RBFOX1: variants seen among roughly 807,000 people sequenced by gnomAD.
RBFOX1 encodes the protein RNA binding fox-1 homolog 1.
RBFOX1 carries 8 observed loss-of-function variants against 57.7 expected under a neutral mutation model. The observed-to-expected ratio is 0.14, with a 90% confidence interval of 0.08 to 0.25. The LOEUF is 0.25. Among genes scored for constraint, RBFOX1 ranks in the 10% least tolerant of loss-of-function variants. The pLI, the probability that RBFOX1 is intolerant of heterozygous loss-of-function variation, is 1.00. For synonymous variants in RBFOX1, 326 were observed against 222.4 expected, an observed-to-expected ratio of 1.47 and a Z score of -4.15; for missense variants, 611 against 548.5, an observed-to-expected ratio of 1.11 and a Z score of -1.14.
intron 14 of RBFOX1, among the ~76,000 whole-genome samples, chr16:7,687,357 G>A (rs1395273556): frequency 1.3e-5 from 2 of 151,958 alleles, no homozygotes; most frequent in Non-Finnish European, 2.9e-5. Context: ...ATATAAATTA[G>A]ATTATGAGCT....
intron 3 of RBFOX1, among the ~76,000 whole-genome samples, chr16:5,822,626 T>C (rs1023495797): frequency 6.6e-5 from 10 of 152,196 alleles, no homozygotes; most frequent in Non-Finnish European, 1.5e-5. Flanking sequence ...GATAGGTACA[T>C]TTAAAATACA....
At chr16:6,591,386 G>A (rs907305010) in intron 2 of RBFOX1, among the ~76,000 whole-genome samples, 13 of 152,234 alleles carry the variant, frequency 8.5e-5, no homozygotes, top group African/African-American at 2.9e-4. Flanking sequence ...CTTGGGAGGC[G>A]GAGATTGCAG....
intron 3 of RBFOX1, among the ~76,000 whole-genome samples, chr16:6,760,684 C>G (rs1336607577): frequency 1.3e-5 from 2 of 152,144 alleles, no homozygotes; most frequent in African/African-American, 2.4e-5. Context: ...TTCCCTTTCT[C>G]TGCAAGGTTT....
At chr16:5,843,607 C>T (rs57605593) in intron 3 of RBFOX1, among the ~76,000 whole-genome samples, 2,098 of 152,250 alleles carry the variant, frequency 0.014, 41 homozygotes, top group East Asian at 0.057. Flanking sequence ...GTGTTCACTG[C>T]AGCACTATTC....
intron 4 of RBFOX1, among the ~76,000 whole-genome samples, chr16:7,209,014 G>A (rs2090566251): frequency 6.6e-6 from 1 of 151,950 alleles, no homozygotes; most frequent in African/African-American, 2.4e-5. Flanking sequence ...TTCCTTTTCA[G>A]CTGGGCACAG....
At chr16:5,673,700 C>G (rs538346542) in intron 3 of RBFOX1, among the ~76,000 whole-genome samples, 10 of 152,192 alleles carry the variant, frequency 6.6e-5, no homozygotes, top group Non-Finnish European at 1.0e-4. Context: ...TCTCTAGCTA[C>G]TTATTGTGGC....
intron 3 of RBFOX1, among the ~76,000 whole-genome samples, chr16:6,703,299 G>T (rs1250394296): frequency 6.8e-6 from 1 of 147,296 alleles, no homozygotes; most frequent in Non-Finnish European, 1.5e-5. Flanking sequence ...AAGTGGCTGG[G>T]AGTGGTAGCT....
intron 2 of RBFOX1, among the ~76,000 whole-genome samples, chr16:5,540,110 G>C (rs1208055044): frequency 6.6e-6 from 1 of 152,128 alleles, no homozygotes; most frequent in Non-Finnish European, 1.5e-5. Context: ...TAAATAGCAA[G>C]GGTGCTGAAC....
intron 2 of RBFOX1, among the ~76,000 whole-genome samples, chr16:5,515,446 C>T (rs1053567204): frequency 1.3e-5 from 2 of 152,190 alleles, no homozygotes; most frequent in African/African-American, 2.4e-5. Flanking sequence ...GGTGTTTTGT[C>T]CTCCCAGGAG....
intron 3 of RBFOX1, among the ~76,000 whole-genome samples, chr16:5,790,190 A>G (rs2151728567): frequency 6.6e-6 from 1 of 152,380 alleles, no homozygotes; most frequent in Non-Finnish European, 1.5e-5. Flanking sequence ...AGTGACAAAT[A>G]GCCCTTCTTC....
At chr16:7,476,558 G>C (rs958359339) in intron 4 of RBFOX1, among the ~76,000 whole-genome samples, 4 of 152,198 alleles carry the variant, frequency 2.6e-5, no homozygotes, top group Non-Finnish European at 5.9e-5. Flanking sequence ...GGTTTTGTCA[G>C]CTCTTCTGCA....
intron 1 of RBFOX1, among the ~76,000 whole-genome samples, chr16:6,085,284 GT>G (rs1344647573): frequency 6.6e-6 from 1 of 152,110 alleles, no homozygotes; most frequent in African/African-American, 2.4e-5. Flanking sequence ...GTTTTGTTTT[GT>G]TTTTGAGACG....
intron 4 of RBFOX1, among the ~76,000 whole-genome samples, chr16:7,062,317 CAAAAAAAAAA>C (rs57989614): frequency 6.1e-5 from 4 of 65,340 alleles, no homozygotes; most frequent in South Asian, 6.6e-4. Flanking sequence ...GACTCCATCT[CAAAAAAAAAA>C]AAAAAAAAAA....
At chr16:6,692,012 A>C (rs1405541121) in intron 3 of RBFOX1, among the ~76,000 whole-genome samples, 4 of 152,214 alleles carry the variant, frequency 2.6e-5, no homozygotes, top group African/African-American at 7.2e-5. Context: ...TTCAGAGGAA[A>C]CACAGCCCTG....
intron 1 of RBFOX1, among the ~76,000 whole-genome samples, chr16:6,263,496 C>A (rs1056577512): frequency 2.6e-5 from 4 of 152,132 alleles, no homozygotes; most frequent in African/African-American, 9.7e-5. Flanking sequence ...AGTGCAGCCT[C>A]CATTTATGAA....
intron 1 of RBFOX1, among the ~76,000 whole-genome samples, chr16:5,374,936 C>A (rs573413736): frequency 6.6e-6 from 1 of 151,840 alleles, no homozygotes; most frequent in African/African-American, 2.4e-5. Context: ...TGTTTACTAT[C>A]CAGCCTTCTA....
At chr16:5,847,939 T>G (rs1041590200) in intron 3 of RBFOX1, among the ~76,000 whole-genome samples, 1 of 152,184 alleles carries the variant, frequency 6.6e-6, no homozygotes, top group Non-Finnish European at 1.5e-5. Flanking sequence ...AATAAGGCAT[T>G]GTCTGGTCTT....
chr16:6,888,471 C>T (rs1030686730), intron 3 of RBFOX1, among the ~76,000 whole-genome samples: 3 of 152,142 alleles, frequency 2.0e-5, no homozygotes, highest in Non-Finnish European at 4.4e-5. Context: ...GTTTCATTTT[C>T]GGTTCAGGGG....
intron 3 of RBFOX1, among the ~76,000 whole-genome samples, chr16:6,957,032 T>C (rs747953117): frequency 2.6e-5 from 4 of 151,662 alleles, no homozygotes; most frequent in South Asian, 2.1e-4. Context: ...AATAAAAGAA[T>C]AGGCATATTC....
Sources: gnomAD v4.1 joint callset for allele counts (sites outside exome capture counted in the v4.1 genomes callset) on GRCh38, gnomAD v4.1.1 for gene constraint, MANE v1.5 for transcripts, NCBI Gene and HGNC (gene_info 2026-07-23, HGNC 2026-07-21) for gene names.